The following NAALADL2 variants were observed in gnomAD, a reference collection of about 807,000 sequenced individuals.
NAALADL2 encodes the protein inactive N-acetylated-alpha-linked acidic dipeptidase-like protein 2.
Under a neutral mutation model 87.2 loss-of-function variants are expected in NAALADL2, and 76 were observed. The ratio of observed to expected loss-of-function variants is 0.87; its 90% CI spans 0.72 to 1.05. The LOEUF (loss-of-function observed/expected upper bound fraction) is 1.05, where lower values mean the gene tolerates loss of function less well. Ranked by LOEUF, NAALADL2 falls within the 50% of genes least tolerant of loss-of-function variation. The probability of loss-of-function intolerance (pLI) is 0.00; values close to 1 mark genes in which losing one functional copy is unlikely to be tolerated. For missense variants in NAALADL2, 1,089 were observed against 945.8 expected (o/e 1.15, Z -1.99); for synonymous variants, 354 against 331.0 (o/e 1.07, Z -0.75).
chr3:174,900,167 G>A (rs1732138208), intron 1 of NAALADL2, among the ~76,000 whole-genome samples: 1 of 151,814 alleles, frequency 6.6e-6, no homozygotes, highest in South Asian at 2.1e-4. Flanking sequence ...TTAGGTAATT[G>A]GCACAAGAAT....
At chr3:175,065,375 A>G (rs192363786) in intron 1 of NAALADL2, among the ~76,000 whole-genome samples, 1 of 152,344 alleles carries the variant, frequency 6.6e-6, no homozygotes, top group East Asian at 1.9e-4. Flanking sequence ...AATGCCTATT[A>G]TTAGATTCTT....
At chr3:175,724,355 T>C (rs1163787218) in intron 11 of NAALADL2, among the ~76,000 whole-genome samples, 1 of 152,162 alleles carries the variant, frequency 6.6e-6, no homozygotes, top group Non-Finnish European at 1.5e-5. Context: ...AGCTTGACAG[T>C]GTGCTCTGTT....
intron 3 of NAALADL2, among the ~76,000 whole-genome samples, chr3:174,768,745 T>C (rs957870013): frequency 6.6e-6 from 1 of 152,152 alleles, no homozygotes; most frequent in African/African-American, 2.4e-5. Flanking sequence ...TAAATAGTTC[T>C]TTTAATTATT....
At chr3:174,888,672 G>A (rs545018192) in intron 1 of NAALADL2, among the ~76,000 whole-genome samples, 3 of 152,278 alleles carry the variant, frequency 2.0e-5, no homozygotes, top group Admixed American at 6.5e-5. Context: ...TATCAACCTT[G>A]CGCTCTGAGC....
chr3:175,489,264 A>T (rs1188614999), intron 9 of NAALADL2, among the ~76,000 whole-genome samples: 1 of 152,216 alleles, frequency 6.6e-6, no homozygotes, highest in Non-Finnish European at 1.5e-5. Context: ...AGAATGGGTT[A>T]TAGTTAGGGA....
At chr3:175,105,759 A>T (rs1271485262) in intron 2 of NAALADL2, among the ~76,000 whole-genome samples, 1 of 151,200 alleles carries the variant, frequency 6.6e-6, no homozygotes. Flanking sequence ...AAGATAGAAG[A>T]TTTTTTTCTC....
chr3:174,447,383 T>C (rs917035770), intron 1 of NAALADL2, among the ~76,000 whole-genome samples: 2 of 152,174 alleles, frequency 1.3e-5, no homozygotes, highest in African/African-American at 4.8e-5. Context: ...CTCCGAGCCA[T>C]AGATAAATAT....
At chr3:174,900,050 TAAAAC>T (rs1363384981) in intron 1 of NAALADL2, among the ~76,000 whole-genome samples, 18 of 151,726 alleles carry the variant, frequency 1.2e-4, no homozygotes, top group East Asian at 3.9e-4. Flanking sequence ...AAAACAAAAA[TAAAAC>T]AAAACACAAA....
In NAALADL2 at chr3:174,696,157, A is replaced by G. The variant is rs553927515; in HGVS notation, c.-114-41484A>G. ...TGGATAGTGAGGTGTAATGGGAAGTATTACATAGGATGAGTGTGGTGGGAG... is the reference window on the plus strand; with the variant it reads ...TGGATAGTGAGGTGTAATGGGAAGTGTTACATAGGATGAGTGTGGTGGGAG... On this transcript the variant is annotated intron_variant, in intron 2 of 3. Transcript: ENST00000434257. Among the ~76,000 whole-genome samples the G allele has an allele frequency of 2.6e-3, 402 of 152,202 alleles. 2 individuals are homozygous for G. Among genetic ancestry groups the G allele is most frequent in the Non-Finnish European group, 4.0e-3 (273 of 67,936 alleles).
chr3:174,978,524 C>T (rs1437670906), intron 1 of NAALADL2, among the ~76,000 whole-genome samples: 2 of 152,178 alleles, frequency 1.3e-5, no homozygotes, highest in African/African-American at 4.8e-5. Context: ...CTAATTGCCA[C>T]TCTATAGATA....
intron 5 of NAALADL2, among the ~76,000 whole-genome samples, chr3:175,446,201 AG>A (rs1720653746): frequency 6.9e-6 from 1 of 144,340 alleles, no homozygotes; most frequent in African/African-American, 2.6e-5. Context: ...GTATGCCAAA[AG>A]AGAAAACATC....
chr3:175,598,636 C>T (rs918350734), intron 10 of NAALADL2, among the ~76,000 whole-genome samples: 2 of 152,002 alleles, frequency 1.3e-5, no homozygotes, highest in Non-Finnish European at 2.9e-5. Flanking sequence ...GAAGTTTCCC[C>T]GCTATCTCAT....
chr3:174,873,199 G>GTCTGTC (rs148955094), intron 1 of NAALADL2, among the ~76,000 whole-genome samples: 1 of 148,454 alleles, frequency 6.7e-6, no homozygotes, highest in African/African-American at 2.5e-5. Flanking sequence ...CTCTCTGTCT[G>GTCTGTC]TCTCTCTCTC....
chr3:174,882,658 T>C (rs1401784649), intron 1 of NAALADL2, among the ~76,000 whole-genome samples: 1 of 145,088 alleles, frequency 6.9e-6, no homozygotes, highest in Non-Finnish European at 1.5e-5. Flanking sequence ...TATACACATA[T>C]GTGCATATAC....
In NAALADL2 at chr3:175,748,521, A is replaced by G. The variant is rs145239228; in HGVS notation, c.1991-6699A>G. ...ACTATAAATCAGTGAAGTCTAAGCT[A>G]TGATTGTGCAATTGTTAGCACCTTT... is the stretch of plus-strand genomic sequence containing the variant. On this transcript the variant is annotated intron_variant, in intron 12 of 13. Coordinates refer to ENST00000454872, the MANE Select transcript of NAALADL2 (RefSeq NM_207015.3). 2.4e-3 allele frequency among the ~76,000 whole-genome samples: 363 copies of G among 152,352 alleles called. 2 individuals carry two copies. The highest frequency in any genetic ancestry group is 8.4e-3 in the African/African-American group (349 of 41,588).
chr3:175,589,591 A>AT (rs1291540042), intron 10 of NAALADL2, among the ~76,000 whole-genome samples: 2 of 152,066 alleles, frequency 1.3e-5, no homozygotes, highest in Non-Finnish European at 2.9e-5. Context: ...ACACGTAAAC[A>AT]TACCATTACA....
At chr3:175,192,001 AAAAT>A (rs35492268) in intron 2 of NAALADL2, among the ~76,000 whole-genome samples, 39,419 of 151,946 alleles carry the variant, frequency 0.26, 5,900 homozygotes, top group South Asian at 0.34. Context: ...GTCCATTCTA[AAAAT>A]AAAGCCTGAA....
At chr3:175,092,788 T>C in intron 1 of NAALADL2, among the ~76,000 whole-genome samples, 1 of 151,934 alleles carries the variant, frequency 6.6e-6, no homozygotes, top group Non-Finnish European at 1.5e-5. Flanking sequence ...ATAAATGTCT[T>C]AGTATGTTGA....
At chr3:174,879,609 G>C (rs1728933676) in intron 1 of NAALADL2, among the ~76,000 whole-genome samples, 1 of 151,920 alleles carries the variant, frequency 6.6e-6, no homozygotes, top group South Asian at 2.1e-4. Context: ...TTTTGTGTAA[G>C]TACTTGCTTC....
Sources: allele counts gnomAD v4.1 joint callset (sites outside exome capture counted in the v4.1 genomes callset), GRCh38; gene constraint gnomAD v4.1.1; transcripts MANE v1.5; gene names NCBI Gene and HGNC (gene_info 2026-07-23, HGNC 2026-07-21).